PCCB: variants seen among roughly 807,000 people sequenced by gnomAD.
PCCB encodes the protein propionyl-CoA carboxylase subunit beta.
Under a neutral mutation model 60.7 loss-of-function variants are expected in PCCB, and 43 were observed. The observed-to-expected ratio is 0.71, with a 90% CI of 0.55 to 0.91. PCCB has a LOEUF of 0.91. PCCB is among the 40% of genes least tolerant of loss of function. The pLI is 0.00. For missense variants in PCCB, 766 were observed against 702.8 expected (o/e 1.09, Z -1.02); for synonymous variants, 276 against 255.9 (o/e 1.08, Z -0.75).
chr3:136,292,274 T>C (rs1933729447), intron 6 of PCCB, among the ~76,000 whole-genome samples: 1 of 152,028 alleles, frequency 6.6e-6, no homozygotes, highest in African/African-American at 2.4e-5. Flanking sequence ...AAGGCTGCTA[T>C]AAACATTTGT....
chr3:136,256,520 A>G, intron 2 of PCCB, 35 bp from the exon 3 acceptor site: 7 of 1,532,242 alleles, frequency 4.6e-6, no homozygotes, highest in Admixed American at 1.7e-5. Flanking sequence ...AAGTATTTGG[A>G]TTTTTTAACC....
intron 5 of PCCB, among the ~76,000 whole-genome samples, chr3:136,282,829 C>G (rs1028838702): frequency 6.6e-6 from 1 of 152,166 alleles, no homozygotes; most frequent in Non-Finnish European, 1.5e-5. Context: ...TGGTGGCAGC[C>G]TTGGTTAAGA....
At chr3:136,313,562 A>G (rs1481102772) in intron 9 of PCCB, among the ~76,000 whole-genome samples, 2 of 152,202 alleles carry the variant, frequency 1.3e-5, no homozygotes, top group African/African-American at 4.8e-5. Flanking sequence ...GAAAATAATG[A>G]GATTAATAAC....
chr3:136,305,349 C>T lies in PCCB; in HGVS notation c.966+4238C>T, dbSNP rs1313441649. ...TCAAGTGATCCACTTGCCTCGGCCT[C>T]CCAAACTACTGGCATTAGAGGTGTA... On this transcript the variant is annotated intron_variant, in intron 9 of 14. Transcript: ENST00000251654. Among the ~76,000 whole-genome samples, 3 of 121,740 alleles carry T rather than the reference C, an allele frequency of 2.5e-5. 1 individual carries two copies. Among genetic ancestry groups the T allele is most frequent in the Non-Finnish European group, 3.7e-5 (2 of 54,668 alleles). 79.9% of individuals were successfully genotyped at this position (121,740 alleles called of 152,430 possible).
chr3:136,330,048 C>A lies in PCCB; in HGVS notation c.*22C>A, dbSNP rs375496057. The A allele has an allele frequency of 6.2e-7, 1 of 1,613,676 alleles. No homozygotes were observed. Among genetic ancestry groups the A allele is most frequent in the African/African-American group, 1.3e-5 (1 of 74,894 alleles). On this transcript the variant is annotated 3_prime_UTR_variant, in exon 15 of 15. Coordinates refer to ENST00000251654, the MANE Select transcript of PCCB (RefSeq NM_000532.5). The stretch of plus-strand genomic sequence containing the variant: ...GTAAACAAATCAAAGGAAAAGAAAC[C>A]AAGAACTGAATTACTGTCTGCCCAT...
intron 5 of PCCB, among the ~76,000 whole-genome samples, chr3:136,266,272 G>A (rs1306594946): frequency 1.3e-5 from 2 of 152,140 alleles, no homozygotes; most frequent in Non-Finnish European, 2.9e-5. Flanking sequence ...GGGATTACAG[G>A]CATGTGCCAC....
chr3:136,297,684 A>G (rs1290821494), intron 7 of PCCB, among the ~76,000 whole-genome samples: 2 of 152,168 alleles, frequency 1.3e-5, no homozygotes, highest in Non-Finnish European at 2.9e-5. Flanking sequence ...TATGGAGGTG[A>G]CATTAGAGCA....
intron 9 of PCCB, among the ~76,000 whole-genome samples, chr3:136,301,997 C>T (rs186754863): frequency 4.8e-4 from 73 of 152,212 alleles, no homozygotes; most frequent in African/African-American, 1.6e-3. Context: ...AGATGTCAGC[C>T]CTTTAAATTC....
At chr3:136,288,841 C>T (rs937210770) in intron 6 of PCCB, among the ~76,000 whole-genome samples, 1 of 151,998 alleles carries the variant, frequency 6.6e-6, no homozygotes, top group Non-Finnish European at 1.5e-5. Context: ...CTTGCTGTGT[C>T]GCCCATGCTG....
At chr3:136,293,461 G>A (rs1038446112) in intron 6 of PCCB, among the ~76,000 whole-genome samples, 1 of 152,228 alleles carries the variant, frequency 6.6e-6, no homozygotes, top group Non-Finnish European at 1.5e-5. Context: ...TGCACAGCAA[G>A]CTCTGAGTAA....
At chr3:136,324,293 A>G (rs1426991311) in intron 10 of PCCB, among the ~76,000 whole-genome samples, 1 of 152,118 alleles carries the variant, frequency 6.6e-6, no homozygotes, top group Non-Finnish European at 1.5e-5. Flanking sequence ...AACACCAGGA[A>G]CTAAAACCAA....
chr3:136,275,063 T>C (rs1402936194), intron 5 of PCCB, among the ~76,000 whole-genome samples: 1 of 152,158 alleles, frequency 6.6e-6, no homozygotes, highest in Non-Finnish European at 1.5e-5. Context: ...CCACCTGCCT[T>C]GCCCTCCCAA....
chr3:136,314,805 A>G (rs1407699495), intron 9 of PCCB, among the ~76,000 whole-genome samples: 1 of 152,192 alleles, frequency 6.6e-6, no homozygotes, highest in African/African-American at 2.4e-5. Flanking sequence ...TTAATGATTA[A>G]AGTTTGAAGA....
chr3:136,302,482 T>C (rs1159727059), intron 9 of PCCB, among the ~76,000 whole-genome samples: 1 of 121,672 alleles, frequency 8.2e-6, no homozygotes, highest in Non-Finnish European at 1.8e-5. Context: ...AAGTTTTATA[T>C]CCTGCTACCT....
chr3:136,276,059 C>T (rs1340989674), intron 5 of PCCB, among the ~76,000 whole-genome samples: 4 of 152,206 alleles, frequency 2.6e-5, no homozygotes, highest in African/African-American at 7.2e-5. Flanking sequence ...GCGTGAGCCA[C>T]TGCCCCTGGC....
At chr3:136,259,088 CT>C in intron 3 of PCCB, 1 of 1,298,428 alleles carries the variant, frequency 7.7e-7, no homozygotes, top group Non-Finnish European at 9.9e-7. Context: ...ACAATAAGCC[CT>C]TTACATCTGA....
At chr3:136,286,971 C>T (rs1300032) in intron 6 of PCCB, among the ~76,000 whole-genome samples, 7 of 150,790 alleles carry the variant, frequency 4.6e-5, no homozygotes, top group African/African-American at 1.2e-4. Context: ...GCGGAGGTTG[C>T]AGTGAACCAA....
At chr3:136,318,895 T>G (rs1366521416) in intron 10 of PCCB, among the ~76,000 whole-genome samples, 1 of 152,206 alleles carries the variant, frequency 6.6e-6, no homozygotes, top group Non-Finnish European at 1.5e-5. Flanking sequence ...AGTATCTGTT[T>G]GAACCTCAGT....
At chr3:136,252,763 A>G (rs1259881922) in intron 1 of PCCB, among the ~76,000 whole-genome samples, 5 of 149,860 alleles carry the variant, frequency 3.3e-5, no homozygotes, top group African/African-American at 1.2e-4. Context: ...TTGGCCTTCC[A>G]AAGTGCTGGG....
Sources: allele counts gnomAD v4.1 joint callset (sites outside exome capture counted in the v4.1 genomes callset), GRCh38; gene constraint gnomAD v4.1.1; transcripts MANE v1.5; gene names NCBI Gene and HGNC (gene_info 2026-07-23, HGNC 2026-07-21).